Variants in C1QTNF3 observed in about 807,000 individuals in gnomAD.
C1QTNF3 encodes the protein C1q and TNF related 3.
C1QTNF3 carries 26 observed loss-of-function variants against 32.6 expected under a neutral mutation model. The ratio of observed to expected loss-of-function variants is 0.80; its 90% CI spans 0.58 to 1.11. The LOEUF (loss-of-function observed/expected upper bound fraction) is 1.11. C1QTNF3 is among the 50% of genes least tolerant of loss of function. C1QTNF3 has a pLI of 0.00. For missense variants in C1QTNF3, 362 were observed against 398.2 expected (o/e 0.91, Z 0.77); for synonymous variants, 155 against 146.0 (o/e 1.06, Z -0.44).
At chr5:34,076,034 T>C in the C1QTNF3 span, among the ~76,000 whole-genome samples, 1 of 151,610 alleles carries the variant, frequency 6.6e-6, no homozygotes, top group Admixed American at 6.6e-5. Context: ...AGACAAACAC[T>C]GAATGATTAC....
chr5:34,207,867 A>C, the C1QTNF3 span, among the ~76,000 whole-genome samples: 4 of 151,616 alleles, frequency 2.6e-5, no homozygotes, highest in African/African-American at 9.7e-5. Flanking sequence ...AGCTTACTGC[A>C]AACTCCGCCT....
the C1QTNF3 span, among the ~76,000 whole-genome samples, chr5:34,121,301 T>C: frequency 6.6e-6 from 1 of 152,280 alleles, no homozygotes; most frequent in African/African-American, 2.4e-5. Context: ...AACAAATAAC[T>C]CATCATATTA....
chr5:34,176,970 A>G, the C1QTNF3 span, among the ~76,000 whole-genome samples: 2 of 152,188 alleles, frequency 1.3e-5, no homozygotes, highest in Non-Finnish European at 2.9e-5. Flanking sequence ...AGGCAGGAGG[A>G]TCACTTGAGC....
At chr5:34,067,373 T>G in the C1QTNF3 span, among the ~76,000 whole-genome samples, 1 of 152,212 alleles carries the variant, frequency 6.6e-6, no homozygotes, top group Admixed American at 6.5e-5. Flanking sequence ...CTCACACTGC[T>G]GATAAAGACA....
In C1QTNF3 at chr5:34,033,451, A is replaced by G. The variant is rs759970201; in HGVS notation, c.423T>C (p.His141=). ...PPGPPGIPGN[H]GNNGNNGATG... is the part of the protein sequence containing the mutation. ...TGGCTCCATTGTTGCCATTGTTTCC[A>G]TGGTTTCCTTAAACAACCAGACATC... The change falls in exon 3 of 6, where the codon CAT becomes CAC. Residue 141 remains histidine (H), a synonymous_variant. Transcript: ENST00000382065. The G allele has an allele frequency of 6.9e-5, 111 of 1,613,952 alleles. No homozygotes were observed. Among genetic ancestry groups the G allele is most frequent in the Non-Finnish European group, 8.8e-5 (104 of 1,180,008 alleles).
chr5:34,021,298 T>C (rs1405612563), intron 5 of C1QTNF3, among the ~76,000 whole-genome samples: 1 of 152,162 alleles, frequency 6.6e-6, no homozygotes, highest in Non-Finnish European at 1.5e-5. Context: ...TGTTACACTG[T>C]GCAAAAACAT....
chr5:34,172,377 T>C, the C1QTNF3 span, among the ~76,000 whole-genome samples: 1 of 133,972 alleles, frequency 7.5e-6, no homozygotes, highest in Non-Finnish European at 1.5e-5. Context: ...CACCTATTTT[T>C]AGACCTTAGT....
At chr5:34,037,178 G>A (rs368119129) in intron 1 of C1QTNF3, among the ~76,000 whole-genome samples, 145 of 152,242 alleles carry the variant, frequency 9.5e-4, no homozygotes, top group Middle Eastern at 3.4e-3. Context: ...ATCTAAACTG[G>A]CAACTTGCCT....
chr5:34,226,530 C>G, the C1QTNF3 span, among the ~76,000 whole-genome samples: 557 of 150,330 alleles, frequency 3.7e-3, 2 homozygotes, highest in African/African-American at 5.7e-3. Context: ...AGAGGTCTAT[C>G]AATATCCTTC....
chr5:34,119,865 T>C, the C1QTNF3 span, among the ~76,000 whole-genome samples: 1 of 152,210 alleles, frequency 6.6e-6, no homozygotes, highest in Non-Finnish European at 1.5e-5. Flanking sequence ...ATAATCTTCA[T>C]TTTTAAACGC....
At chr5:34,116,088 A>C in the C1QTNF3 span, among the ~76,000 whole-genome samples, 1 of 152,120 alleles carries the variant, frequency 6.6e-6, no homozygotes, top group Non-Finnish European at 1.5e-5. Context: ...TATTCATCTC[A>C]AAGCATTTTC....
the C1QTNF3 span, among the ~76,000 whole-genome samples, chr5:34,069,039 ATTAG>A: frequency 4.1e-5 from 6 of 146,402 alleles, no homozygotes; most frequent in Admixed American, 4.2e-4. Context: ...TAACCTTTTC[ATTAG>A]TTAGATTCAC....
the C1QTNF3 span, among the ~76,000 whole-genome samples, chr5:34,072,371 GAGAAAGAAAGAAAGAAAGAAAGAA>G: frequency 8.5e-6 from 1 of 117,580 alleles, no homozygotes; most frequent in African/African-American, 3.1e-5. Context: ...AAAAAAGAAA[GAGAAAGAAAGAAAGAAAGAAAGAA>G]AGAAAGAAAG....
chr5:34,028,575 G>T (rs1754534360), intron 4 of C1QTNF3, among the ~76,000 whole-genome samples, 179 bp downstream of exon 4: 1 of 151,914 alleles, frequency 6.6e-6, no homozygotes, highest in Non-Finnish European at 1.5e-5. Flanking sequence ...GAGCTGTTTG[G>T]TTTAACGTGA....
the C1QTNF3 span, among the ~76,000 whole-genome samples, chr5:34,172,314 G>A: frequency 6.6e-6 from 1 of 151,678 alleles, no homozygotes; most frequent in Non-Finnish European, 1.5e-5. Context: ...TGTAATAAAA[G>A]TAGATGAATG....
chr5:34,093,723 G>T, the C1QTNF3 span, among the ~76,000 whole-genome samples: 2 of 150,690 alleles, frequency 1.3e-5, no homozygotes, highest in African/African-American at 4.9e-5. Flanking sequence ...TAGCCTAATT[G>T]GTTTTCTACA....
the C1QTNF3 span, among the ~76,000 whole-genome samples, chr5:34,064,489 A>G: frequency 6.6e-6 from 1 of 152,226 alleles, no homozygotes; most frequent in South Asian, 2.1e-4. Flanking sequence ...ATGGAAGAGA[A>G]CCATGGAACC....
the C1QTNF3 span, among the ~76,000 whole-genome samples, chr5:34,073,157 C>T: frequency 2.6e-5 from 4 of 152,006 alleles, no homozygotes; most frequent in Non-Finnish European, 5.9e-5. Flanking sequence ...GAAACCCTGT[C>T]TCTACTAAAA....
chr5:34,114,253 T>C, the C1QTNF3 span, among the ~76,000 whole-genome samples: 2 of 152,182 alleles, frequency 1.3e-5, no homozygotes, highest in Non-Finnish European at 2.9e-5. Context: ...TAATTGCAAT[T>C]CATCTTTGAA....
Sources: gnomAD v4.1 joint callset for allele counts (sites outside exome capture counted in the v4.1 genomes callset) on GRCh38, gnomAD v4.1.1 for gene constraint, MANE v1.5 for transcripts, NCBI Gene and HGNC (gene_info 2026-07-23, HGNC 2026-07-21) for gene names.